PPP2R2B: variants seen among roughly 807,000 people sequenced by gnomAD.
PPP2R2B encodes serine/threonine-protein phosphatase 2A 55 kDa regulatory subunit B beta isoform.
Under a neutral mutation model 46.0 loss-of-function variants are expected in PPP2R2B, and 5 were observed. The observed-to-expected ratio is 0.11, with a 90% CI of 0.06 to 0.23. PPP2R2B has a LOEUF of 0.23. Among genes scored for constraint, PPP2R2B ranks in the 10% least tolerant of loss-of-function variants. The probability of loss-of-function intolerance (pLI) is 1.00; values close to 1 mark genes in which losing one functional copy is unlikely to be tolerated. For missense variants in PPP2R2B, 367 were observed against 575.0 expected (o/e 0.64, Z 3.70); for synonymous variants, 215 against 206.7 (o/e 1.04, Z -0.34).
At chr5:146,600,581 A>C in intron 7 of PPP2R2B, 121 bp from the exon 8 acceptor site, 1 of 936,726 alleles carries the variant, frequency 1.1e-6, no homozygotes, top group Admixed American at 2.5e-5. Context: ...TGGTGTCTGC[A>C]GAATGTAAGT....
At chr5:146,608,949 G>A (rs1484104684) in intron 7 of PPP2R2B, among the ~76,000 whole-genome samples, 1 of 152,138 alleles carries the variant, frequency 6.6e-6, no homozygotes, top group Non-Finnish European at 1.5e-5. Flanking sequence ...GTATTACCCT[G>A]ATACCAAAAC....
chr5:146,805,816 A>G (rs1025248947), intron 2 of PPP2R2B, among the ~76,000 whole-genome samples: 1 of 152,074 alleles, frequency 6.6e-6, no homozygotes, highest in Non-Finnish European at 1.5e-5. Flanking sequence ...AGCTCTAAAT[A>G]TGTTGCTTCA....
At chr5:147,078,584 G>A (rs549943998) in intron 2 of PPP2R2B, among the ~76,000 whole-genome samples, 9 of 152,116 alleles carry the variant, frequency 5.9e-5, no homozygotes, top group East Asian at 1.9e-4. Context: ...TCAGGAGTTC[G>A]AGACCATCCT....
At chr5:146,791,564 AG>A (rs1457135861) in intron 2 of PPP2R2B, among the ~76,000 whole-genome samples, 2 of 152,066 alleles carry the variant, frequency 1.3e-5, no homozygotes, top group Non-Finnish European at 2.9e-5. Flanking sequence ...TGCTACATTG[AG>A]AAGATTCCAA....
chr5:147,016,362 G>C (rs764920585), intron 1 of PPP2R2B, among the ~76,000 whole-genome samples: 2 of 151,262 alleles, frequency 1.3e-5, no homozygotes, highest in African/African-American at 4.8e-5. Flanking sequence ...AGCAGTTTTG[G>C]GGGGGACAAT....
chr5:146,960,834 C>T (rs1249814537), intron 1 of PPP2R2B, among the ~76,000 whole-genome samples: 2 of 152,072 alleles, frequency 1.3e-5, no homozygotes, highest in Non-Finnish European at 2.9e-5. Flanking sequence ...AACTGCAAGC[C>T]CTTTTTCGTT....
chr5:146,945,506 G>A (rs1048676386), intron 1 of PPP2R2B, among the ~76,000 whole-genome samples: 3 of 152,250 alleles, frequency 2.0e-5, no homozygotes, highest in East Asian at 3.9e-4. Context: ...GTCCAAGTCC[G>A]ATATATTGAC....
intron 2 of PPP2R2B, among the ~76,000 whole-genome samples, chr5:146,712,027 G>T (rs3851488): frequency 0.2 from 29,970 of 152,054 alleles, 3,116 homozygotes; most frequent in East Asian, 0.41. Flanking sequence ...AACTGTAGGT[G>T]GGCCTAAAGA....
rs1762013385 is a variant in PPP2R2B, at chr5:146,878,193, A to C, written c.-122T>G. On this transcript the variant is annotated splice_region_variant and 5_prime_UTR_variant, in exon 2 of 10. Transcript: ENST00000394411. The surrounding 1 kb of genome is among the most constrained non-coding windows in gnomAD (Gnocchi z 4.5). ...GCCAGTGGGACTGCACCATGGTCCG[A>C]GCCTGAGGAGGAGACGGGGAGGCGG... The C allele has an allele frequency of 6.3e-7, 1 of 1,584,638 alleles. No individual in the cohort carries two copies. The highest frequency in any genetic ancestry group is 1.4e-5 in the African/African-American group (1 of 74,028).
At chr5:146,730,348 C>G (rs1021711947) in intron 2 of PPP2R2B, among the ~76,000 whole-genome samples, 8 of 152,170 alleles carry the variant, frequency 5.3e-5, no homozygotes, top group Non-Finnish European at 8.8e-5. Context: ...AGGGACTTAC[C>G]TTGTCTCAGA....
chr5:146,597,919 C>T (rs960419826), intron 8 of PPP2R2B, among the ~76,000 whole-genome samples: 1 of 152,240 alleles, frequency 6.6e-6, no homozygotes, highest in African/African-American at 2.4e-5. Flanking sequence ...ACTCCATCCC[C>T]TCTGGCTTCC....
At chr5:146,978,596 A>G (rs113450437) in intron 1 of PPP2R2B, among the ~76,000 whole-genome samples, 1,586 of 152,292 alleles carry the variant, frequency 0.01, 31 homozygotes, top group African/African-American at 0.036. Flanking sequence ...ATGGCTAGAC[A>G]GTTTTCCTAA....
At chr5:147,078,424 C>A (rs1157694848) in intron 2 of PPP2R2B, among the ~76,000 whole-genome samples, 1 of 152,076 alleles carries the variant, frequency 6.6e-6, no homozygotes, top group Non-Finnish European at 1.5e-5. Context: ...TTACTTGGAA[C>A]AAGTCATCTA....
At chr5:147,029,743 C>A (rs528662569) in intron 1 of PPP2R2B, among the ~76,000 whole-genome samples, 1 of 152,062 alleles carries the variant, frequency 6.6e-6, no homozygotes, top group African/African-American at 2.4e-5. Context: ...AGAGTGGGCA[C>A]GCATAAAGGA....
intron 2 of PPP2R2B, among the ~76,000 whole-genome samples, chr5:146,752,851 C>G (rs960033617): frequency 6.6e-6 from 1 of 152,206 alleles, no homozygotes; most frequent in South Asian, 2.1e-4. Flanking sequence ...CAGACTTTCA[C>G]TGTGCTAAAA....
At chr5:146,800,929 C>A (rs1008551553) in intron 2 of PPP2R2B, among the ~76,000 whole-genome samples, 3 of 151,990 alleles carry the variant, frequency 2.0e-5, no homozygotes, top group African/African-American at 7.3e-5. Context: ...CACACACACA[C>A]ACACACACAC....
chr5:147,079,803 G>T (rs1046711288), intron 2 of PPP2R2B, among the ~76,000 whole-genome samples: 1 of 152,070 alleles, frequency 6.6e-6, no homozygotes, highest in Admixed American at 6.5e-5. Context: ...ATATCATATG[G>T]TATCTCTCAA....
At chr5:146,757,660 T>A (rs1224971110) in intron 2 of PPP2R2B, among the ~76,000 whole-genome samples, 1 of 152,052 alleles carries the variant, frequency 6.6e-6, no homozygotes. Context: ...AATATATGGA[T>A]CTCTGAAATC....
At chr5:146,925,210 T>C (rs1763741727) in intron 1 of PPP2R2B, among the ~76,000 whole-genome samples, 1 of 152,230 alleles carries the variant, frequency 6.6e-6, no homozygotes, top group Non-Finnish European at 1.5e-5. Flanking sequence ...TGGAATCTTT[T>C]ATACTAACAT....
Sources: gnomAD v4.1 joint callset for allele counts (sites outside exome capture counted in the v4.1 genomes callset) on GRCh38, gnomAD v4.1.1 for gene constraint, Gnocchi (gnomAD v3.1) non-coding constraint, MANE v1.5 for transcripts, NCBI Gene and HGNC (gene_info 2026-07-23, HGNC 2026-07-21) for gene names.